The following RUSC2 variants were observed in gnomAD, a reference collection of about 807,000 sequenced individuals.
The protein encoded by RUSC2 is AP-4 complex accessory subunit RUSC2.
Under a neutral mutation model 122.2 loss-of-function variants are expected in RUSC2, and 34 were observed. The observed-to-expected ratio is 0.28, with a 90% CI of 0.21 to 0.37. The LOEUF (loss-of-function observed/expected upper bound fraction) is 0.37, where lower values mean the gene tolerates loss of function less well. Among genes scored for constraint, RUSC2 ranks in the 10% least tolerant of loss-of-function variants. The pLI, the probability that RUSC2 is intolerant of heterozygous loss-of-function variation, is 1.00. For synonymous variants in RUSC2, 784 were observed against 790.0 expected (o/e 0.99, Z 0.13); for missense variants, 1,747 against 1,952.4 (o/e 0.89, Z 1.98).
At chr9:35,542,975 G>A (rs929957443) in intron 1 of RUSC2, among the ~76,000 whole-genome samples, 3 of 152,194 alleles carry the variant, frequency 2.0e-5, no homozygotes, top group Non-Finnish European at 4.4e-5. Flanking sequence ...GGTACTCATT[G>A]AAGGTCAGTG....
chr9:35,535,648 C>T (rs1025238840), intron 1 of RUSC2, among the ~76,000 whole-genome samples: 2 of 151,328 alleles, frequency 1.3e-5, no homozygotes, highest in African/African-American at 2.4e-5. Context: ...ACGCCATTCT[C>T]CTGCCTCAGC....
Position 35,560,628 on chromosome 9 carries a change from G to C in RUSC2, c.3988G>C (p.Ala1330Pro). ...GVVEGAEACP[A>P]SEEALGRERG... ...AGTGGAGGGGGCTGAGGCCTGCCCT[G>C]CCTCTGAGGAGGCCCTGGGCCGGGA... is the stretch of plus-strand genomic sequence containing the variant. The change falls in exon 10 of 12, where the codon GCC becomes CCC. Residue 1330 changes from alanine (A) to proline (P), a missense_variant. Transcript: ENST00000361226. The C allele has an allele frequency of 6.2e-7, 1 of 1,607,360 alleles. No individual in the cohort carries two copies. The highest frequency in any genetic ancestry group is 8.5e-7 in the Non-Finnish European group (1 of 1,176,852).
chr9:35,556,471 G>A (rs370369909), intron 5 of RUSC2, 23 bp downstream of exon 5: 6 of 1,609,130 alleles, frequency 3.7e-6, no homozygotes, highest in African/African-American at 1.3e-5. Flanking sequence ...CCCAGCTCAG[G>A]CCAGGGACTC....
intron 1 of RUSC2, among the ~76,000 whole-genome samples, chr9:35,515,136 C>T (rs1231359822): frequency 6.6e-6 from 1 of 152,118 alleles, no homozygotes; most frequent in East Asian, 1.9e-4. Flanking sequence ...AAATTGTTTA[C>T]AAAATAACAG....
chr9:35,535,815 C>T (rs146586701), intron 1 of RUSC2, among the ~76,000 whole-genome samples: 3 of 152,164 alleles, frequency 2.0e-5, no homozygotes, highest in African/African-American at 2.4e-5. Flanking sequence ...GCTGGGATTA[C>T]AGGCATGAGC....
At chr9:35,511,615 C>G (rs917433362) in intron 1 of RUSC2, among the ~76,000 whole-genome samples, 2 of 152,146 alleles carry the variant, frequency 1.3e-5, no homozygotes, top group Non-Finnish European at 2.9e-5. Context: ...TTCAGTTCCT[C>G]GAACTTAGTT....
chr9:35,516,650 G>C (rs778632427), intron 1 of RUSC2, among the ~76,000 whole-genome samples: 1 of 152,176 alleles, frequency 6.6e-6, no homozygotes, highest in Non-Finnish European at 1.5e-5. Flanking sequence ...ACATTCCTCA[G>C]TGACTCCTCA....
chr9:35,517,881 A>G (rs547279259), intron 1 of RUSC2, among the ~76,000 whole-genome samples: 1 of 152,282 alleles, frequency 6.6e-6, no homozygotes, highest in South Asian at 2.1e-4. Context: ...TATTTTTCAA[A>G]TATTTTTTCC....
rs887293312 is a variant in RUSC2 at position 35,500,106 on chromosome 9, A to T, written c.-93+9934A>T. ...CTATAAGACTAATGATTTCCTTTTA[A>T]ACATCTCCCAAAGCCTAGTGATTCA... is the stretch of plus-strand genomic sequence containing the variant. On this transcript the variant is annotated intron_variant, in intron 1 of 11. Transcript: ENST00000361226. 2.6e-5 allele frequency among the ~76,000 whole-genome samples: 4 copies of T among 152,178 alleles called. No homozygotes were observed. The East Asian group carries it at 7.7e-4, about 29-fold the overall frequency.
intron 1 of RUSC2, among the ~76,000 whole-genome samples, chr9:35,527,929 A>G (rs887531921): frequency 1.3e-5 from 2 of 152,136 alleles, no homozygotes; most frequent in Non-Finnish European, 2.9e-5. Flanking sequence ...TGGCTCAAGT[A>G]TGGTCATCTT....
chr9:35,549,109 G>T, intron 2 of RUSC2: 1 of 985,322 alleles, frequency 1.0e-6, no homozygotes, highest in Non-Finnish European at 1.2e-6. Flanking sequence ...GGAAATGAAG[G>T]ATTCAGAAGA....
intron 1 of RUSC2, chr9:35,507,516 A>C (rs1820936261): frequency 5.7e-6 from 1 of 174,564 alleles, no homozygotes. Flanking sequence ...CAGCATATTT[A>C]GCATCACTCT....
intron 1 of RUSC2, among the ~76,000 whole-genome samples, chr9:35,499,823 G>A (rs758893499): frequency 6.6e-6 from 1 of 152,108 alleles, no homozygotes; most frequent in South Asian, 2.1e-4. Context: ...TCTCCTAAAG[G>A]CAGCATAGAT....
At chr9:35,534,782 C>T (rs891226002) in intron 1 of RUSC2, among the ~76,000 whole-genome samples, 4 of 152,090 alleles carry the variant, frequency 2.6e-5, no homozygotes, top group Admixed American at 6.5e-5. Flanking sequence ...CATGCCTGGC[C>T]CCCTTTGCCC....
In RUSC2 at chr9:35,555,540, A is replaced by C. The variant is rs770115617; in HGVS notation, c.2495A>C (p.Gln832Pro). 1 of 1,614,122 alleles carries C rather than the reference A, an allele frequency of 6.2e-7. No homozygotes were observed. Among genetic ancestry groups the C allele is most frequent in the South Asian group, 1.1e-5 (1 of 91,086 alleles). The change falls in exon 3 of 12, where the codon CAG becomes CCG. Residue 832 changes from glutamine (Q) to proline (P), a missense_variant. By Grantham distance (76) the Gln-to-Pro change is moderately conservative. Transcript: ENST00000361226. The surrounding 1 kb of genome is among the most constrained non-coding windows in gnomAD (Gnocchi z 4.6). ...PSAVRPATSQ[Q>P]PQKEDQKILT... ...GCTGTCCGGCCTGCCACCTCCCAGC[A>C]GCCGCAGAAGGAGGATCAGAAGATA... is the stretch of plus-strand genomic sequence containing the variant.
chr9:35,532,980 T>C (rs1821450998), intron 1 of RUSC2, among the ~76,000 whole-genome samples: 5 of 151,774 alleles, frequency 3.3e-5, no homozygotes, highest in Admixed American at 3.3e-4. Context: ...GTGTGGTGGC[T>C]CACGCCTGTA....
chr9:35,559,930 C>T (rs766242264), intron 9 of RUSC2, 99 bp from the exon 10 acceptor site: 153 of 990,786 alleles, frequency 1.5e-4, no homozygotes, highest in African/African-American at 2.3e-4. Context: ...CAGCCTGCAC[C>T]GCTGTCTGCA....
rs1019273251 is a variant in RUSC2, at chr9:35,558,669, G to T, written c.3341+102G>T. 2.0e-6 allele frequency: 2 copies of T among 1,005,206 alleles called. No homozygotes were observed. The highest frequency in any genetic ancestry group is 2.4e-5 in the East Asian group (1 of 41,704). The allele number at this position is 1,005,206 out of a possible 1,614,324, so 62.3% of individuals were successfully genotyped here. On this transcript the variant is annotated intron_variant, in intron 8 of 11. Transcript: ENST00000361226. The surrounding 1 kb of genome is among the most constrained non-coding windows in gnomAD (Gnocchi z 4.3). ...AACAACGCCCTGGACAGACAGAAAGGGTGGATCTGGAGGGTCCCCTCAGCC... is the reference window on the plus strand; with the variant it reads ...AACAACGCCCTGGACAGACAGAAAGTGTGGATCTGGAGGGTCCCCTCAGCC...
Position 35,560,274 on chromosome 9 carries a change from C to T in RUSC2, c.3634C>T (p.Arg1212Trp), listed in dbSNP as rs562721391. The change falls in exon 10 of 12, where the codon CGG becomes TGG. Residue 1212 changes from arginine (R) to tryptophan (W), a missense_variant. Arg to Trp is a moderately radical substitution (Grantham distance 101). Coordinates refer to ENST00000361226, the MANE Select transcript of RUSC2 (RefSeq NM_014806.5). ...CTCCACGCTGCAGCTGGCCCGGGCC[C>T]GGGGCCAGGAGGGCCCTGGAGACGT... ...AHSTLQLARARGQEGPGDVDR... is the reference protein window; with the variant it reads ...AHSTLQLARAWGQEGPGDVDR... The T allele has an allele frequency of 1.4e-5, 22 of 1,590,140 alleles. No homozygotes were observed. Among genetic ancestry groups the T allele is most frequent in the Admixed American group, 1.2e-4 (7 of 58,150 alleles).
Sources: gnomAD v4.1 joint callset for allele counts (sites outside exome capture counted in the v4.1 genomes callset) on GRCh38, gnomAD v4.1.1 for gene constraint, Gnocchi (gnomAD v3.1) non-coding constraint, MANE v1.5 for transcripts, NCBI Gene and HGNC (gene_info 2026-07-23, HGNC 2026-07-21) for gene names.